Variants in DNAH1 observed in about 807,000 individuals in gnomAD.
DNAH1 encodes the protein axonemal beta dynein heavy chain 1.
In DNAH1, 327 loss-of-function variants were observed where a neutral mutation model predicts 484.3. That is an observed-to-expected ratio of 0.68 (90% CI 0.62 to 0.74). DNAH1 has a LOEUF of 0.74. Among genes scored for constraint, DNAH1 ranks in the 30% least tolerant of loss-of-function variants. The pLI is 0.00. For synonymous variants in DNAH1, 2,192 were observed against 2,191.9 expected (o/e 1.00, Z 0.00); for missense variants, 5,052 against 5,546.8 (o/e 0.91, Z 2.83).
intron 8 of DNAH1, among the ~76,000 whole-genome samples, chr3:52,339,732 G>A (rs1050420746): frequency 3.3e-5 from 5 of 151,870 alleles, no homozygotes; most frequent in South Asian, 2.1e-4. Flanking sequence ...GTTCAAGGGC[G>A]CCCTCTTCTG....
intron 34 of DNAH1, among the ~76,000 whole-genome samples, chr3:52,366,168 CACTG>C (rs1416807515): frequency 6.6e-6 from 1 of 152,208 alleles, no homozygotes; most frequent in Non-Finnish European, 1.5e-5. Context: ...TGACAGCTGA[CACTG>C]AGCAAGCTGG....
In DNAH1 at chr3:52,381,073, C is replaced by A. The variant is rs1054421811; in HGVS notation, c.7609-567C>A. ...TGTTTAACAATATGCTTGATCCCCC[C>A]GTGGGTTTTATTTTTGCTTTTGTTT... On this transcript the variant is annotated intron_variant, in intron 48 of 77. Transcript: ENST00000420323. The surrounding 1 kb of genome is among the most constrained non-coding windows in gnomAD (Gnocchi z 4.1). Among the ~76,000 whole-genome samples the A allele has an allele frequency of 1.3e-5, 2 of 151,962 alleles. No homozygotes were observed. Among genetic ancestry groups the A allele is most frequent in the African/African-American group, 4.8e-5 (2 of 41,358 alleles).
At position 52,395,547 on chromosome 3, in the gene DNAH1, G is replaced by C; in HGVS notation, c.11128G>C (p.Gly3710Arg). 1 of 1,613,520 alleles carries C rather than the reference G, an allele frequency of 6.2e-7. No individual in the cohort carries two copies. Residue 3710 changes from glycine to arginine, a missense_variant and splice_region_variant, in exon 70 of 78, where the codon GGC becomes CGC. This residue lies in a region of DNAH1 where 853 missense variants were observed against 899.0 expected (regional missense o/e 0.95). Coordinates refer to ENST00000420323, the MANE Select transcript of DNAH1 (RefSeq NM_015512.5). This position sits in a 1 kb window ranked among gnomAD's most constrained non-coding sequence, Gnocchi z 4.4. ...LSAISLGQGQ[G>R]PRAEAMMRSS... Reference sequence around the variant, plus strand: ...CTGCTCAGTGCTCTTGCCCCTGCAGGGCCCTCGGGCAGAAGCCATGATGCG... The same window carrying C: ...CTGCTCAGTGCTCTTGCCCCTGCAGCGCCCTCGGGCAGAAGCCATGATGCG...
chr3:52,331,298 T>C lies in DNAH1; in HGVS notation c.1022T>C (p.Val341Ala), dbSNP rs373505739. 1.2e-5 allele frequency: 20 copies of C among 1,606,586 alleles called. No homozygotes were observed. In the African/African-American group the frequency reaches 2.5e-4, roughly 20 times the overall value. ...EMGRPILNAG[V>A]TTEGRPPLQV... ...GGGAGGCCCATCCTGAATGCAGGGG[T>C]CACCACTGAAGGTATGAGGTCCTGC... is the stretch of plus-strand genomic sequence containing the variant. The change falls in exon 7 of 78, where the codon GTC (valine) becomes GCC (alanine). Residue 341 changes from valine to alanine, a missense_variant. Physicochemically the swap from Val to Ala is moderately conservative, Grantham distance 64. Around this residue, in one of 4 missense-constraint regions of DNAH1, gnomAD observed 1,263 missense variants for 1,218.8 expected, o/e 1.04. Transcript: ENST00000420323.
In DNAH1 at chr3:52,322,666, G is replaced by A; in HGVS notation, c.224G>A (p.Gly75Glu). 1 of 1,613,898 alleles carries A rather than the reference G, an allele frequency of 6.2e-7. No individual in the cohort carries two copies. The highest frequency in any genetic ancestry group is 8.5e-7 in the Non-Finnish European group (1 of 1,179,876). The part of the protein sequence containing the change: ...PPAPPTLSDL[G>E]QPRKSPLTGT... ...GCCCCACCCACACTCTCAGACTTGGGGCAGCCACGGAAGTCACCCCTGACA... is the reference window on the plus strand; with the variant it reads ...GCCCCACCCACACTCTCAGACTTGGAGCAGCCACGGAAGTCACCCCTGACA... The change falls in exon 2 of 78, where the codon GGG becomes GAG. Residue 75 changes from glycine (G) to glutamate (E), a missense_variant. Transcript: ENST00000420323.
Position 52,327,918 on chromosome 3 carries a change from A to G in DNAH1, c.775A>G (p.Arg259Gly), listed in dbSNP as rs1194712415. The G allele has an allele frequency of 4.3e-6, 7 of 1,613,998 alleles. No individual in the cohort carries two copies. Among genetic ancestry groups the G allele is most frequent in the Non-Finnish European group, 4.2e-6 (5 of 1,179,846 alleles). ...DNEDFDCRTP[R>G]EWINMGLEPG... ...TGAGGACTTTGACTGCCGGACTCCC[A>G]GAGAGTGGATCAACATGGGCTTGGA... is the stretch of plus-strand genomic sequence containing the variant. The change falls in exon 6 of 78, where the codon AGA becomes GGA. Residue 259 changes from arginine to glycine, a missense_variant. Arg to Gly is a moderately radical substitution (Grantham distance 125, BLOSUM62 -2). Transcript: ENST00000420323.
intron 8 of DNAH1, among the ~76,000 whole-genome samples, chr3:52,336,581 A>G (rs987871027): frequency 6.6e-6 from 1 of 152,146 alleles, no homozygotes; most frequent in Non-Finnish European, 1.5e-5. Flanking sequence ...CAATTTAAAT[A>G]TGTAATCCAT....
rs911471950 is a variant in DNAH1 at position 52,337,791 on chromosome 3, G to GTTTGT, written c.1286+5412_1286+5416dup. Reference sequence around the variant, plus strand: ...GTATCTGTCCTGTTTCATTGTTGTTGTTTGTTTTGTTTTGTTTTGAGACAG... The same window carrying GTTTGT: ...GTATCTGTCCTGTTTCATTGTTGTTGTTTGTTTTGTTTTGTTTTGTTTTGAGACAG... On this transcript the variant is annotated intron_variant, in intron 8 of 77. Coordinates refer to ENST00000420323, the MANE Select transcript of DNAH1 (RefSeq NM_015512.5). Among the ~76,000 whole-genome samples the GTTTGT allele has an allele frequency of 8.6e-5, 13 of 152,040 alleles. No individual in the cohort carries two copies. The East Asian group carries it at 1.2e-3, about 14-fold the overall frequency.
In DNAH1 at chr3:52,396,709, T is replaced by C. The variant is rs746626640; in HGVS notation, c.11522T>C (p.Ile3841Thr). Residue 3841 changes from isoleucine to threonine, a missense_variant, in exon 72 of 78, where the codon ATC becomes ACC. By Grantham distance (89) the Ile-to-Thr change is moderately conservative. Around this residue, in one of 4 missense-constraint regions of DNAH1, gnomAD observed 853 missense variants for 899.0 expected, o/e 0.95. Coordinates refer to ENST00000420323, the MANE Select transcript of DNAH1 (RefSeq NM_015512.5). ...AAGTTTGGGCCCCTGGGCTTCAACATCCCCTATGAGTTCACGGATGGAGAT... is the reference window on the plus strand; with the variant it reads ...AAGTTTGGGCCCCTGGGCTTCAACACCCCCTATGAGTTCACGGATGGAGAT... The part of the protein sequence containing the change: ...RRKFGPLGFN[I>T]PYEFTDGDLR... 1 of 1,613,742 alleles carries C rather than the reference T, an allele frequency of 6.2e-7. No individual in the cohort carries two copies. The highest frequency in any genetic ancestry group is 2.2e-5 in the East Asian group (1 of 44,866).
chr3:52,320,997 G>GC (rs2153222603), intron 1 of DNAH1, among the ~76,000 whole-genome samples: 1 of 151,556 alleles, frequency 6.6e-6, no homozygotes, highest in African/African-American at 2.4e-5. Context: ...ATGGGGTTTT[G>GC]CCATGTTGAC....
At chr3:52,357,040 G>GTT (rs1389887896) in intron 22 of DNAH1, among the ~76,000 whole-genome samples, 4 of 100,958 alleles carry the variant, frequency 4.0e-5, no homozygotes, top group Non-Finnish European at 6.6e-5. Context: ...TTTTTTTTTT[G>GTT]TTTTTTTTTT....
intron 3 of DNAH1, among the ~76,000 whole-genome samples, 187 bp downstream of exon 3, chr3:52,324,067 C>T (rs1363983164): frequency 6.6e-6 from 1 of 152,138 alleles, no homozygotes; most frequent in Non-Finnish European, 1.5e-5. Context: ...CCACAGCTAC[C>T]GAGTCATTAC....
At chr3:52,354,468 A>C (rs1428823873) in intron 20 of DNAH1, among the ~76,000 whole-genome samples, 1 of 152,158 alleles carries the variant, frequency 6.6e-6, no homozygotes, top group Non-Finnish European at 1.5e-5. Context: ...CCCCATCTCT[A>C]CTAAAAATAC....
chr3:52,341,598 G>A (rs984427667), intron 8 of DNAH1, among the ~76,000 whole-genome samples: 1 of 148,958 alleles, frequency 6.7e-6, no homozygotes, highest in Non-Finnish European at 1.5e-5. Flanking sequence ...GTGCAGTGGA[G>A]CAATCTTAGC....
intron 25 of DNAH1, among the ~76,000 whole-genome samples, 156 bp from the exon 26 acceptor site, chr3:52,359,090 A>C (rs886712934): frequency 1.3e-5 from 2 of 152,236 alleles, no homozygotes; most frequent in East Asian, 1.9e-4. Flanking sequence ...TGAGAAGCCC[A>C]GAGCATAAGG....
intron 1 of DNAH1, among the ~76,000 whole-genome samples, chr3:52,316,899 C>T (rs1397627641): frequency 2.6e-5 from 4 of 152,226 alleles, no homozygotes; most frequent in African/African-American, 2.4e-5. Context: ...AGGCTGTGGG[C>T]AGGGGTTCTC....
intron 58 of DNAH1, 73 bp downstream of exon 58, chr3:52,388,682 G>T (rs752681598): frequency 6.2e-7 from 1 of 1,607,218 alleles, no homozygotes. Flanking sequence ...CCAGGGCGCC[G>T]GTGGGTCCTG....
chr3:52,388,370 C>T, intron 57 of DNAH1, 36 bp downstream of exon 57: 1 of 1,599,842 alleles, frequency 6.3e-7, no homozygotes, highest in Non-Finnish European at 8.5e-7. Flanking sequence ...GGAGGGCTCC[C>T]CTCCCGGGGG....
intron 56 of DNAH1, among the ~76,000 whole-genome samples, chr3:52,387,490 A>G (rs964338795): frequency 2.3e-4 from 35 of 152,188 alleles, no homozygotes; most frequent in African/African-American, 7.7e-4. Context: ...GTGTGTCAGT[A>G]TCAGGCCCTG....
Sources: allele counts gnomAD v4.1 joint callset (sites outside exome capture counted in the v4.1 genomes callset), GRCh38; gene constraint gnomAD v4.1.1; regional missense constraint gnomAD v4.1.1; non-coding constraint Gnocchi (gnomAD v3.1); transcripts MANE v1.5; gene names NCBI Gene and HGNC (gene_info 2026-07-23, HGNC 2026-07-21).